SRPK2: variants seen among roughly 807,000 people sequenced by gnomAD.
The protein encoded by SRPK2 is SRSF protein kinase 2.
In SRPK2, 21 loss-of-function variants were observed where a neutral mutation model predicts 90.8. That is an observed-to-expected ratio of 0.23 (90% confidence interval 0.16 to 0.33). SRPK2 has a LOEUF of 0.33. SRPK2 is among the 10% of genes least tolerant of loss of function. The pLI is 1.00. For missense variants in SRPK2, 620 were observed against 869.0 expected (o/e 0.71, Z 3.60); for synonymous variants, 288 against 311.1 (o/e 0.93, Z 0.78).
intron 6 of SRPK2, among the ~76,000 whole-genome samples, chr7:105,161,370 A>G (rs771175795): frequency 1.3e-5 from 2 of 152,166 alleles, no homozygotes; most frequent in Non-Finnish European, 2.9e-5. Flanking sequence ...ACGTTTATTA[A>G]ATCTATGAAT....
intron 2 of SRPK2, among the ~76,000 whole-genome samples, chr7:105,250,407 G>A (rs992637550): frequency 1.3e-5 from 2 of 149,094 alleles, no homozygotes; most frequent in East Asian, 2.0e-4. Context: ...AACAATGCAA[G>A]AAAAAAAAAA....
intron 2 of SRPK2, among the ~76,000 whole-genome samples, chr7:105,388,253 C>T (rs1459581571): frequency 6.6e-6 from 1 of 151,854 alleles, no homozygotes; most frequent in Non-Finnish European, 1.5e-5. Flanking sequence ...GCTGCACTCC[C>T]GCAGCGGGCG....
At chr7:105,383,417 G>T (rs1048639396) in intron 2 of SRPK2, among the ~76,000 whole-genome samples, 44 of 146,510 alleles carry the variant, frequency 3.0e-4, no homozygotes, top group Non-Finnish European at 5.0e-4. Flanking sequence ...AAACAAAACA[G>T]AATTTTTTTT....
intron 13 of SRPK2, among the ~76,000 whole-genome samples, chr7:105,129,783 C>T (rs902347627): frequency 6.6e-6 from 1 of 152,184 alleles, no homozygotes; most frequent in Non-Finnish European, 1.5e-5. Context: ...TTTCCAGATT[C>T]TTGGGAGACC....
chr7:105,150,234 T>C (rs1035795924), intron 7 of SRPK2, among the ~76,000 whole-genome samples: 2 of 152,236 alleles, frequency 1.3e-5, no homozygotes, highest in African/African-American at 4.8e-5. Context: ...ACATTTAAAA[T>C]GTCAAGGCCG....
At chr7:105,381,720 T>C (rs1400303955) in intron 2 of SRPK2, among the ~76,000 whole-genome samples, 1 of 152,110 alleles carries the variant, frequency 6.6e-6, no homozygotes, top group Non-Finnish European at 1.5e-5. Flanking sequence ...AATAAACAAA[T>C]GTGTAAAAAA....
chr7:105,344,407 CTTTTTT>C (rs1178845367), intron 2 of SRPK2, among the ~76,000 whole-genome samples: 1 of 58,506 alleles, frequency 1.7e-5, no homozygotes, highest in Non-Finnish European at 3.2e-5. Context: ...GCAGCCACAC[CTTTTTT>C]TTTTTTTTTT....
chr7:105,323,777 T>C (rs1434685660), intron 2 of SRPK2, among the ~76,000 whole-genome samples: 1 of 152,140 alleles, frequency 6.6e-6, no homozygotes, highest in Non-Finnish European at 1.5e-5. Context: ...TAATCAACAC[T>C]GTAAGAATAA....
intron 2 of SRPK2, among the ~76,000 whole-genome samples, chr7:105,380,697 T>C (rs1457570830): frequency 6.6e-6 from 1 of 151,760 alleles, no homozygotes; most frequent in Non-Finnish European, 1.5e-5. Flanking sequence ...CTAATTTTTG[T>C]ATTTTTAGAA....
At chr7:105,380,427 G>A (rs936039101) in intron 2 of SRPK2, among the ~76,000 whole-genome samples, 2 of 152,102 alleles carry the variant, frequency 1.3e-5, no homozygotes, top group East Asian at 1.9e-4. Context: ...ATACATGTAT[G>A]CTAGGACTCA....
intron 2 of SRPK2, among the ~76,000 whole-genome samples, chr7:105,326,890 G>A (rs777929601): frequency 5.9e-5 from 9 of 151,724 alleles, no homozygotes; most frequent in Non-Finnish European, 5.9e-5. Flanking sequence ...GGTGAAACCC[G>A]GTCTCTACTA....
chr7:105,230,751 C>T (rs1799325675), intron 2 of SRPK2, among the ~76,000 whole-genome samples: 1 of 152,066 alleles, frequency 6.6e-6, no homozygotes, highest in African/African-American at 2.4e-5. Flanking sequence ...TGATTCTTGT[C>T]TTAGGAATGA....
At chr7:105,322,735 A>C (rs1250077169) in intron 2 of SRPK2, among the ~76,000 whole-genome samples, 1 of 142,382 alleles carries the variant, frequency 7.0e-6, no homozygotes, top group African/African-American at 2.8e-5. Flanking sequence ...TATTATGTGA[A>C]TATAACCTCA....
chr7:105,198,077 G>C lies in SRPK2; in HGVS notation c.229+5551C>G, dbSNP rs75867656. 3.1e-3 allele frequency among the ~76,000 whole-genome samples: 473 copies of C among 152,336 alleles called. 14 individuals are homozygous for C. In the East Asian group the frequency reaches 0.063, roughly 20 times the overall value. On this transcript the variant is annotated intron_variant, in intron 3 of 15. Coordinates refer to ENST00000393651, the MANE Select transcript of SRPK2 (RefSeq NM_182692.3). ...TTATATTGCACGTATAGTATGAAGG[G>C]TGCCTTCATGTGGTTATATCCTTGG...
At chr7:105,318,784 T>C (rs1233841423) in intron 2 of SRPK2, among the ~76,000 whole-genome samples, 3 of 152,214 alleles carry the variant, frequency 2.0e-5, no homozygotes, top group East Asian at 3.8e-4. Context: ...GCAGAATTCA[T>C]GCAAGTTCTG....
intron 2 of SRPK2, among the ~76,000 whole-genome samples, chr7:105,298,234 T>C (rs1810098563): frequency 2.0e-5 from 3 of 152,206 alleles, no homozygotes; most frequent in African/African-American, 4.8e-5. Context: ...CCAGAGTCTG[T>C]ATGCTTTTGA....
At chr7:105,128,023 C>T (rs188277232) in intron 13 of SRPK2, among the ~76,000 whole-genome samples, 1 of 152,272 alleles carries the variant, frequency 6.6e-6, no homozygotes, top group Admixed American at 6.5e-5. Context: ...AACCTACCTT[C>T]TTTTTCTTTC....
intron 3 of SRPK2, among the ~76,000 whole-genome samples, chr7:105,173,204 G>C (rs971965786): frequency 3.9e-5 from 6 of 151,958 alleles, no homozygotes; most frequent in African/African-American, 1.5e-4. Context: ...CTACATCCTT[G>C]AACTCCTGGG....
intron 2 of SRPK2, among the ~76,000 whole-genome samples, chr7:105,323,260 C>G (rs1371065274): frequency 6.6e-6 from 1 of 152,086 alleles, no homozygotes; most frequent in African/African-American, 2.4e-5. Flanking sequence ...AAATTTTATG[C>G]TAGAGACAAA....
Sources: gnomAD v4.1 joint callset for allele counts (sites outside exome capture counted in the v4.1 genomes callset) on GRCh38, gnomAD v4.1.1 for gene constraint, MANE v1.5 for transcripts, NCBI Gene and HGNC (gene_info 2026-07-23, HGNC 2026-07-21) for gene names.